The following GAK variants were observed in gnomAD, a reference collection of about 807,000 sequenced individuals.
GAK encodes cyclin-G-associated kinase.
In GAK, 79 loss-of-function variants were observed where a neutral mutation model predicts 143.9. The observed-to-expected ratio is 0.55, with a 90% confidence interval of 0.46 to 0.66. GAK has a LOEUF of 0.66. Among genes scored for constraint, GAK ranks in the 30% least tolerant of loss-of-function variants. The probability of loss-of-function intolerance (pLI) is 0.00; values close to 1 mark genes in which losing one functional copy is unlikely to be tolerated. For synonymous variants in GAK, 881 were observed against 765.5 expected, an observed-to-expected ratio of 1.15 and a Z score of -2.49; for missense variants, 1,693 against 1,779.7, an observed-to-expected ratio of 0.95 and a Z score of 0.88.
At position 849,557 on chromosome 4, in the gene GAK, G is replaced by A. The variant is rs79187091; in HGVS notation, c.*116C>T. ...CTGGGCGGGCGGTGACCCGGGGCTCGGAGCCCCACCCTGGCCACACCTGCT... is the reference window on the plus strand; with the variant it reads ...CTGGGCGGGCGGTGACCCGGGGCTCAGAGCCCCACCCTGGCCACACCTGCT... On this transcript the variant is annotated 3_prime_UTR_variant, in exon 28 of 28. Coordinates refer to ENST00000314167, the MANE Select transcript of GAK (RefSeq NM_005255.4). 1,187 of 729,398 alleles carry A rather than the reference G, an allele frequency of 1.6e-3. 11 individuals carry two copies. In the African/African-American group the frequency reaches 0.017, roughly 10 times the overall value. The allele number at this position is 729,398 out of a possible 1,614,324, so 45.2% of individuals were successfully genotyped here.
intron 24 of GAK, chr4:859,203 A>G (rs1749823262): frequency 1.0e-6 from 1 of 985,286 alleles, no homozygotes; most frequent in Non-Finnish European, 1.2e-6. Flanking sequence ...AGGCAGACGC[A>G]GGACTGGAGA....
intron 9 of GAK, among the ~76,000 whole-genome samples, chr4:892,985 C>T (rs1717964543): frequency 6.6e-6 from 1 of 152,198 alleles, no homozygotes; most frequent in South Asian, 2.1e-4. Context: ...TGTGGCTCCC[C>T]ACTGAAGTGG....
intron 1 of GAK, among the ~76,000 whole-genome samples, chr4:914,477 C>CCCCCA (rs1722687253): frequency 3.2e-5 from 3 of 93,136 alleles, no homozygotes; most frequent in East Asian, 3.8e-4. Context: ...CACGGCCCCA[C>CCCCCA]ACACACACAG....
At chr4:869,018 T>C (rs757624936) in intron 19 of GAK, 17 of 294,680 alleles carry the variant, frequency 5.8e-5, no homozygotes, top group Admixed American at 2.4e-4. Flanking sequence ...CACGAATGCA[T>C]AGAGCACACA....
intron 9 of GAK, among the ~76,000 whole-genome samples, chr4:893,133 G>A (rs542801151): frequency 1.4e-5 from 2 of 138,364 alleles, no homozygotes; most frequent in Non-Finnish European, 1.6e-5. Context: ...TGTGCCTCCC[G>A]CCCCTCTGTG....
chr4:868,161 T>A (rs1711502803), intron 20 of GAK, among the ~76,000 whole-genome samples: 1 of 151,988 alleles, frequency 6.6e-6, no homozygotes, highest in Admixed American at 6.5e-5. Flanking sequence ...ACTGGGGGTG[T>A]GGGCAAAGAG....
intron 1 of GAK, among the ~76,000 whole-genome samples, chr4:929,767 C>G (rs1725380695): frequency 6.6e-6 from 1 of 151,986 alleles, no homozygotes; most frequent in African/African-American, 2.4e-5. Flanking sequence ...ACCTAAAAAC[C>G]CATTCACACC....
intron 24 of GAK, chr4:859,148 G>C: frequency 1.0e-6 from 1 of 983,592 alleles, no homozygotes. Flanking sequence ...GCCTGAGGCA[G>C]ACGTGGGACC....
chr4:907,215 C>T (rs1721237885), intron 4 of GAK, among the ~76,000 whole-genome samples: 1 of 152,230 alleles, frequency 6.6e-6, no homozygotes, highest in Non-Finnish European at 1.5e-5. Flanking sequence ...GTGTCCCCAG[C>T]ACAGCCCAGC....
In GAK at chr4:920,539, ATTTT is replaced by A. The variant is rs34176109; in HGVS notation, c.146-6875_146-6872del. On this transcript the variant is annotated intron_variant, in intron 1 of 27. Coordinates refer to ENST00000314167, the MANE Select transcript of GAK (RefSeq NM_005255.4). The stretch of plus-strand genomic sequence containing the variant: ...AAAATTGTGAAAAAGGTTTAGAGCC[ATTTT>A]TTTTTTTTTTTTTTTTTTGAGACGG... Among the ~76,000 whole-genome samples the A allele has an allele frequency of 2.7e-3, 351 of 129,586 alleles. 3 individuals are homozygous for A. The highest frequency in any genetic ancestry group is 8.2e-3 in the African/African-American group (274 of 33,282). 85.0% of individuals were successfully genotyped at this position (129,586 alleles called of 152,430 possible). A position where few individuals can be genotyped will look rare whatever the true frequency, so the allele number is the denominator to read the frequency against.
chr4:850,168 C>G (rs1010641092), intron 26 of GAK, 100 bp from the exon 27 acceptor site: 2 of 1,235,700 alleles, frequency 1.6e-6, no homozygotes, highest in South Asian at 3.1e-5. Context: ...TGCCTGGTCA[C>G]GTGGGGTGGG....
intron 15 of GAK, among the ~76,000 whole-genome samples, chr4:880,524 T>A (rs1470422769): frequency 6.6e-6 from 1 of 151,626 alleles, no homozygotes; most frequent in Non-Finnish European, 1.5e-5. Context: ...GTCCTGTGGG[T>A]GCCCACAGAG....
intron 4 of GAK, among the ~76,000 whole-genome samples, chr4:907,490 C>T (rs1721289735): frequency 1.3e-5 from 2 of 152,252 alleles, no homozygotes; most frequent in African/African-American, 4.8e-5. Flanking sequence ...TTGCCCTCTA[C>T]GCTGGCCATC....
chr4:902,613 A>C (rs1720134899), intron 5 of GAK, among the ~76,000 whole-genome samples: 1 of 150,764 alleles, frequency 6.6e-6, no homozygotes, highest in Admixed American at 6.6e-5. Context: ...AAAAAAAAAA[A>C]ACCCCAAAAA....
intron 26 of GAK, chr4:850,332 A>C: frequency 2.6e-6 from 1 of 388,464 alleles, no homozygotes; most frequent in Non-Finnish European, 4.6e-6. Flanking sequence ...GAGGACACAA[A>C]CCCTGGTTCT....
chr4:883,660 C>T (rs1346932798), intron 12 of GAK, among the ~76,000 whole-genome samples, 197 bp from the exon 13 acceptor site: 1 of 152,242 alleles, frequency 6.6e-6, no homozygotes, highest in East Asian at 1.9e-4. Context: ...GACCCAGCCA[C>T]ACGCCCATCA....
chr4:884,708 A>G (rs1247200610), intron 11 of GAK, among the ~76,000 whole-genome samples: 1 of 152,172 alleles, frequency 6.6e-6, no homozygotes, highest in African/African-American at 2.4e-5. Context: ...TTTATCCCAC[A>G]ATTCACTGGC....
rs1725971054 is a variant in GAK, at chr4:932,074, C to T, written c.114G>A (p.Leu38=). The T allele has an allele frequency of 4.4e-6, 7 of 1,603,022 alleles. No individual in the cohort carries two copies. The highest frequency in any genetic ancestry group is 6.0e-6 in the Non-Finnish European group (7 of 1,175,924). The change falls in exon 1 of 28, where the codon CTG becomes CTA. Residue 38 remains leucine, a synonymous_variant. Coordinates refer to ENST00000314167, the MANE Select transcript of GAK (RefSeq NM_005255.4). This position sits in a 1 kb window ranked among gnomAD's most constrained non-coding sequence, Gnocchi z 4.0. Reference sequence around the variant, plus strand: ...CCAGGACCCGCCGCACCCGCAGCCGCAGCTCGCCCAGTTCCACCGTCTGCC... The same window carrying T: ...CCAGGACCCGCCGCACCCGCAGCCGTAGCTCGCCCAGTTCCACCGTCTGCC... ...FVGQTVELGE[L]RLRVRRVLAE... is the part of the protein sequence containing the mutation.
At chr4:891,683 C>T (rs1157389833) in intron 9 of GAK, among the ~76,000 whole-genome samples, 1 of 152,156 alleles carries the variant, frequency 6.6e-6, no homozygotes, top group Non-Finnish European at 1.5e-5. Context: ...ATCCCTCCAG[C>T]GCACTCGACA....
Sources: allele counts gnomAD v4.1 joint callset (sites outside exome capture counted in the v4.1 genomes callset), GRCh38; gene constraint gnomAD v4.1.1; non-coding constraint Gnocchi (gnomAD v3.1); transcripts MANE v1.5; gene names NCBI Gene and HGNC (gene_info 2026-07-23, HGNC 2026-07-21).